CLVS1: variants seen among roughly 807,000 people sequenced by gnomAD.
The protein encoded by CLVS1 is clavesin 1.
A neutral mutation model predicts 33.1 loss-of-function variants in CLVS1; 10 were observed. The observed-to-expected ratio is 0.30, with a 90% CI of 0.19 to 0.51. CLVS1 has a LOEUF of 0.51. CLVS1 is among the 20% of genes least tolerant of loss of function. CLVS1 has a pLI of 0.97. For missense variants in CLVS1, 343 were observed against 433.4 expected, an observed-to-expected ratio of 0.79 and a Z score of 1.85; for synonymous variants, 163 against 166.1, an observed-to-expected ratio of 0.98 and a Z score of 0.14.
intron 3 of CLVS1, among the ~76,000 whole-genome samples, chr8:61,392,425 T>C (rs904609447): frequency 6.6e-6 from 1 of 152,184 alleles, no homozygotes; most frequent in Non-Finnish European, 1.5e-5. Flanking sequence ...GCTCCAGTTA[T>C]CTGATTTTCT....
At chr8:61,398,922 G>C (rs1351768650) in intron 3 of CLVS1, among the ~76,000 whole-genome samples, 1 of 152,168 alleles carries the variant, frequency 6.6e-6, no homozygotes, top group Non-Finnish European at 1.5e-5. Context: ...TGGTGCATAT[G>C]TACTACATTT....
intron 2 of CLVS1, among the ~76,000 whole-genome samples, chr8:61,206,525 AT>A (rs1807844905): frequency 6.6e-6 from 1 of 152,024 alleles, no homozygotes; most frequent in Non-Finnish European, 1.5e-5. Context: ...TCTAAGCCAG[AT>A]TAGACTCCCT....
At chr8:61,160,952 A>T (rs748020127) in intron 2 of CLVS1, among the ~76,000 whole-genome samples, 2 of 152,190 alleles carry the variant, frequency 1.3e-5, no homozygotes, top group Non-Finnish European at 2.9e-5. Context: ...AATATCCAAG[A>T]TATATAAGTG....
At chr8:60,985,832 T>C in the CLVS1 span, among the ~76,000 whole-genome samples, 3 of 148,356 alleles carry the variant, frequency 2.0e-5, no homozygotes, top group African/African-American at 7.4e-5. Flanking sequence ...CTGAGCAACC[T>C]GCTGGCGAGA....
the CLVS1 span, among the ~76,000 whole-genome samples, chr8:61,043,571 G>T: frequency 6.6e-6 from 1 of 152,198 alleles, no homozygotes; most frequent in African/African-American, 2.4e-5. Flanking sequence ...TGCAGTTATT[G>T]ATCTGGCAAA....
intron 1 of CLVS1, among the ~76,000 whole-genome samples, chr8:61,063,022 C>A (rs762965138): frequency 2.0e-5 from 3 of 152,050 alleles, no homozygotes; most frequent in African/African-American, 7.2e-5. Flanking sequence ...ACTATGACAT[C>A]GAAACTATTA....
intron 3 of CLVS1, among the ~76,000 whole-genome samples, chr8:61,433,814 C>T (rs978331237): frequency 2.4e-4 from 36 of 151,782 alleles, no homozygotes; most frequent in African/African-American, 7.0e-4. Context: ...CCTGGGAGGC[C>T]GAGGCAGGAG....
chr8:61,040,800 A>T, the CLVS1 span, among the ~76,000 whole-genome samples: 1 of 152,186 alleles, frequency 6.6e-6, no homozygotes, highest in Non-Finnish European at 1.5e-5. Context: ...CTCTGTTGAT[A>T]GTTTCTTTCA....
chr8:61,350,765 G>T (rs768311876), intron 2 of CLVS1, among the ~76,000 whole-genome samples: 1 of 152,108 alleles, frequency 6.6e-6, no homozygotes, highest in African/African-American at 2.4e-5. Flanking sequence ...AGTTAACTAT[G>T]TGATTCCCAG....
intron 1 of CLVS1, among the ~76,000 whole-genome samples, chr8:61,103,084 A>T (rs1459274062): frequency 6.6e-6 from 1 of 152,236 alleles, no homozygotes; most frequent in East Asian, 1.9e-4. Flanking sequence ...ACAGCTTTAA[A>T]GAAAATAGCA....
intron 2 of CLVS1, among the ~76,000 whole-genome samples, chr8:61,362,087 T>A (rs568438433): frequency 1.4e-4 from 21 of 152,286 alleles, no homozygotes; most frequent in African/African-American, 4.3e-4. Context: ...AGTTCTTTGC[T>A]AAAACTGGGC....
At chr8:61,100,529 G>T (rs1199809115) in intron 1 of CLVS1, among the ~76,000 whole-genome samples, 1 of 152,094 alleles carries the variant, frequency 6.6e-6, no homozygotes, top group Non-Finnish European at 1.5e-5. Flanking sequence ...TTTAAAAATT[G>T]TTCTTCCCTT....
the CLVS1 span, among the ~76,000 whole-genome samples, chr8:61,032,600 A>G: frequency 6.6e-6 from 1 of 152,158 alleles, no homozygotes; most frequent in Non-Finnish European, 1.5e-5. Flanking sequence ...CCTCTAAGCT[A>G]TAAAGAAAAA....
chr8:61,093,213 G>T (rs752850657), intron 1 of CLVS1, among the ~76,000 whole-genome samples: 16 of 152,150 alleles, frequency 1.1e-4, no homozygotes, highest in African/African-American at 3.4e-4. Flanking sequence ...AAAAAGGACT[G>T]ACTCAATCAA....
chr8:61,246,513 C>T (rs752721181), intron 2 of CLVS1, among the ~76,000 whole-genome samples: 5 of 151,990 alleles, frequency 3.3e-5, no homozygotes, highest in East Asian at 1.9e-4. Context: ...TTTAGTTCTA[C>T]GTGTAAAATC....
chr8:61,140,152 C>T (rs1381895569), intron 2 of CLVS1, among the ~76,000 whole-genome samples: 1 of 152,226 alleles, frequency 6.6e-6, no homozygotes, highest in African/African-American at 2.4e-5. Flanking sequence ...ACTGTGAGAT[C>T]TCCTTCCTTC....
intron 2 of CLVS1, 57 bp from the exon 3 acceptor site, chr8:61,376,548 A>T: frequency 6.4e-7 from 1 of 1,550,776 alleles, no homozygotes; most frequent in South Asian, 1.2e-5. Context: ...TGTTGCACGC[A>T]ACATGCTATC....
At chr8:61,177,204 C>A (rs1361295201) in intron 2 of CLVS1, among the ~76,000 whole-genome samples, 1 of 152,202 alleles carries the variant, frequency 6.6e-6, no homozygotes, top group Non-Finnish European at 1.5e-5. Flanking sequence ...GCCCAACACA[C>A]CGGCTGTGGC....
chr8:61,240,236 A>G (rs1808663061), intron 2 of CLVS1, among the ~76,000 whole-genome samples: 1 of 152,190 alleles, frequency 6.6e-6, no homozygotes, highest in African/African-American at 2.4e-5. Flanking sequence ...TGCATGCATC[A>G]CTAGACCTGG....
Sources: allele counts gnomAD v4.1 joint callset (sites outside exome capture counted in the v4.1 genomes callset), GRCh38; gene constraint gnomAD v4.1.1; transcripts MANE v1.5; gene names NCBI Gene and HGNC (gene_info 2026-07-23, HGNC 2026-07-21).